Variants in TXNDC11 observed in about 807,000 individuals in gnomAD.
TXNDC11 encodes the protein thioredoxin domain containing 11.
Under a neutral mutation model 78.0 loss-of-function variants are expected in TXNDC11, and 68 were observed. The observed-to-expected ratio is 0.87, with a 90% CI of 0.72 to 1.07. The LOEUF is 1.07. Ranked by LOEUF, TXNDC11 falls within the 50% of genes least tolerant of loss-of-function variation. The pLI, the probability that TXNDC11 is intolerant of heterozygous loss-of-function variation, is 0.00. For synonymous variants in TXNDC11, 571 were observed against 495.2 expected, an observed-to-expected ratio of 1.15 and a Z score of -2.03; for missense variants, 1,389 against 1,221.8, an observed-to-expected ratio of 1.14 and a Z score of -2.04.
intron 4 of TXNDC11, among the ~76,000 whole-genome samples, chr16:11,728,934 G>C (rs1306788239): frequency 6.6e-6 from 1 of 151,578 alleles, no homozygotes; most frequent in Non-Finnish European, 1.5e-5. Context: ...CTGAGAGATG[G>C]AGATTGCAGC....
At chr16:11,684,327 G>C (rs2050509169) in intron 10 of TXNDC11, 82 bp from the exon 11 acceptor site, 11 of 1,040,698 alleles carry the variant, frequency 1.1e-5, no homozygotes, top group Non-Finnish European at 1.5e-5. Flanking sequence ...ATAACTTCAA[G>C]AACCTGGTGC....
chr16:11,726,124 C>A (rs1401894967), intron 4 of TXNDC11, among the ~76,000 whole-genome samples: 2 of 152,128 alleles, frequency 1.3e-5, no homozygotes, highest in African/African-American at 4.8e-5. Flanking sequence ...CAGCAATCCT[C>A]CACCTTGGCC....
chr16:11,685,942 G>T (rs549392652), intron 10 of TXNDC11, among the ~76,000 whole-genome samples: 3 of 152,162 alleles, frequency 2.0e-5, no homozygotes, highest in Admixed American at 1.3e-4. Context: ...TATGCAGGCT[G>T]CAGGCTTGGT....
intron 5 of TXNDC11, among the ~76,000 whole-genome samples, chr16:11,708,325 A>T (rs1051701498): frequency 3.9e-5 from 6 of 152,212 alleles, no homozygotes; most frequent in African/African-American, 1.4e-4. Context: ...ACAGCAAAGA[A>T]TAATTATCTT....
rs28365807 is a variant in TXNDC11, at chr16:11,692,047, A to G, written c.1143T>C (p.His381=). The G allele has an allele frequency of 5.2e-4, 795 of 1,539,954 alleles. 6 individuals are homozygous for G. In the East Asian group the frequency reaches 0.016, roughly 30 times the overall value. ...TEVALEYNNC[H]GDQVVERLLQ... is the part of the protein sequence containing the mutation. ...GGAGACGCTCCACCACCTGGTCCCCATGACAGTTGTTGTACTCCAAGGCCA... is the reference window on the plus strand; with the variant it reads ...GGAGACGCTCCACCACCTGGTCCCCGTGACAGTTGTTGTACTCCAAGGCCA... The change falls in exon 8 of 12, where the codon CAT becomes CAC. Residue 381 remains histidine (H), a synonymous_variant. Transcript: ENST00000283033.
intron 5 of TXNDC11, among the ~76,000 whole-genome samples, chr16:11,705,695 T>C (rs2051161276): frequency 6.6e-6 from 1 of 152,238 alleles, no homozygotes; most frequent in Admixed American, 6.5e-5. Context: ...CTCAAACATA[T>C]TATAATTTCA....
At chr16:11,707,643 T>G (rs2051222103) in intron 5 of TXNDC11, among the ~76,000 whole-genome samples, 1 of 151,560 alleles carries the variant, frequency 6.6e-6, no homozygotes, top group Non-Finnish European at 1.5e-5. Flanking sequence ...CAGACAGAGT[T>G]TCACCATGTT....
chr16:11,682,190 T>C (rs1341366719), intron 11 of TXNDC11, among the ~76,000 whole-genome samples: 3 of 152,266 alleles, frequency 2.0e-5, no homozygotes, highest in African/African-American at 4.8e-5. Flanking sequence ...CTCACGCTGC[T>C]TGCCCATTTA....
At position 11,688,700 on chromosome 16, in the gene TXNDC11, T is replaced by C. The variant is rs576375925; in HGVS notation, c.1901-255A>G. ...TAGATGCTCTAATATTCATAGACTA[T>C]TCTTTTTTTAAAAGGACTGGTCCAC... On this transcript the variant is annotated intron_variant, in intron 8 of 11. Transcript: ENST00000283033. The C allele has an allele frequency of 2.6e-4, 80 of 308,958 alleles. 1 individual carries two copies. The highest frequency in any genetic ancestry group is 1.6e-3 in the African/African-American group (76 of 47,350). The allele number at this position is 308,958 out of a possible 1,614,324, so 19.1% of individuals were successfully genotyped here.
At chr16:11,700,062 A>G (rs1311404695) in intron 6 of TXNDC11, among the ~76,000 whole-genome samples, 1 of 152,228 alleles carries the variant, frequency 6.6e-6, no homozygotes, top group Admixed American at 6.5e-5. Context: ...AGCATGTCAC[A>G]TTACTACTCA....
At chr16:11,710,467 G>C (rs2051317587) in intron 5 of TXNDC11, among the ~76,000 whole-genome samples, 1 of 152,230 alleles carries the variant, frequency 6.6e-6, no homozygotes, top group Non-Finnish European at 1.5e-5. Flanking sequence ...CTAGGGCAAA[G>C]CTCCCTTATT....
Position 11,691,968 on chromosome 16 carries a change from C to A in TXNDC11, c.1222G>T (p.Val408Leu). Residue 408 changes from valine to leucine, a missense_variant, in exon 8 of 12, where the codon GTG becomes TTG. By Grantham distance (32) the Val-to-Leu change is conservative. Coordinates refer to ENST00000283033, the MANE Select transcript of TXNDC11 (RefSeq NM_015914.7). ...APVLESLALE[V>L]PAQLPDPPTI... ...GGCGGGTCTGGCAGCTGTGCCGGCA[C>A]TTCCAGGGCCAGGGACTCCAGCACT... 3.7e-6 allele frequency: 6 copies of A among 1,607,282 alleles called. No homozygotes were observed. The highest frequency in any genetic ancestry group is 5.1e-6 in the Non-Finnish European group (6 of 1,175,644).
intron 5 of TXNDC11, among the ~76,000 whole-genome samples, chr16:11,716,592 A>T (rs1429559045): frequency 6.6e-6 from 1 of 152,242 alleles, no homozygotes. Flanking sequence ...AATGAGAGAT[A>T]TGTAAGACCT....
At chr16:11,722,257 T>A (rs936930236) in intron 4 of TXNDC11, among the ~76,000 whole-genome samples, 1 of 152,084 alleles carries the variant, frequency 6.6e-6, no homozygotes, top group African/African-American at 2.4e-5. Flanking sequence ...TTCCCTCAGA[T>A]CTGCAGAGGA....
intron 5 of TXNDC11, 116 bp from the exon 6 acceptor site, chr16:11,700,680 CT>C: frequency 1.7e-6 from 1 of 586,354 alleles, no homozygotes; most frequent in African/African-American, 1.9e-5. Flanking sequence ...TTCTGGTAAC[CT>C]AGCCTAGAGA....
chr16:11,688,278 A>C, intron 9 of TXNDC11, 25 bp downstream of exon 9: 1 of 1,605,830 alleles, frequency 6.2e-7, no homozygotes, highest in Non-Finnish European at 8.5e-7. Context: ...AGATGGCTTA[A>C]CTTTTGCCTC....
chr16:11,687,093 C>T (rs2050586564), intron 10 of TXNDC11, among the ~76,000 whole-genome samples: 1 of 152,076 alleles, frequency 6.6e-6, no homozygotes, highest in African/African-American at 2.4e-5. Flanking sequence ...TTAATGGTCC[C>T]CCTTTTTGTC....
At chr16:11,699,426 G>C (rs1038326306) in intron 6 of TXNDC11, among the ~76,000 whole-genome samples, 8 of 152,262 alleles carry the variant, frequency 5.3e-5, no homozygotes, top group African/African-American at 1.9e-4. Context: ...AGCTTAGGCA[G>C]AGGCACAAGG....
At position 11,681,985 on chromosome 16, in the gene TXNDC11, CA is replaced by C. The variant is rs2050437028; in HGVS notation, c.2235-2149del. On this transcript the variant is annotated intron_variant, in intron 11 of 11. Coordinates refer to ENST00000283033, the MANE Select transcript of TXNDC11 (RefSeq NM_015914.7). Reference sequence around the variant, plus strand: ...TGCAATCTCACTCCTCTGAAGTCATCAATGTTAACACCTCAACATTTTCCCC... The same window carrying C: ...TGCAATCTCACTCCTCTGAAGTCATCATGTTAACACCTCAACATTTTCCCC... 2.0e-5 allele frequency among the ~76,000 whole-genome samples: 3 copies of C among 152,238 alleles called. No homozygotes were observed. The South Asian group carries it at 6.2e-4, about 31-fold the overall frequency.
Sources: allele counts gnomAD v4.1 joint callset (sites outside exome capture counted in the v4.1 genomes callset), GRCh38; gene constraint gnomAD v4.1.1; transcripts MANE v1.5; gene names NCBI Gene and HGNC (gene_info 2026-07-23, HGNC 2026-07-21).